STXBP4: variants seen among roughly 807,000 people sequenced by gnomAD.
STXBP4 encodes syntaxin binding protein 4, also known as syntaxin-binding protein 4.
A neutral mutation model predicts 76.1 loss-of-function variants in STXBP4; 55 were observed. The ratio of observed to expected loss-of-function variants is 0.72; its 90% confidence interval spans 0.58 to 0.91. STXBP4 has a LOEUF of 0.91. STXBP4 is among the 40% of genes least tolerant of loss of function. The pLI, the probability that STXBP4 is intolerant of heterozygous loss-of-function variation, is 0.00. For missense variants in STXBP4, 618 were observed against 636.9 expected, an observed-to-expected ratio of 0.97 and a Z score of 0.32; for synonymous variants, 201 against 220.2, an observed-to-expected ratio of 0.91 and a Z score of 0.77.
rs1228389711 is a variant in STXBP4 at position 54,980,022 on chromosome 17, A to G, written c.-156-5592A>G. Among the ~76,000 whole-genome samples the G allele has an allele frequency of 2.9e-5, 4 of 139,484 alleles. No individual in the cohort carries two copies. In the East Asian group the frequency reaches 7.8e-4, roughly 27 times the overall value. 91.5% of individuals were successfully genotyped at this position (139,484 alleles called of 152,430 possible). On this transcript the variant is annotated intron_variant, in intron 1 of 17. Transcript: ENST00000376352. ...TAAATCATCTACTTATTTGTTTGTG[A>G]CAGGTGTCTGTGTGTGTGTTGTTAA...
intron 8 of STXBP4, among the ~76,000 whole-genome samples, chr17:55,017,003 C>T (rs1413263420): frequency 2.0e-5 from 3 of 152,126 alleles, no homozygotes; most frequent in Non-Finnish European, 2.9e-5. Flanking sequence ...GATAGGAAGG[C>T]TAAGGGTTGT....
rs190486966 is a variant in STXBP4 at position 55,172,268 on chromosome 17, T to C, written c.*12357T>C. On this transcript the variant is annotated 3_prime_UTR_variant, in exon 18 of 18. Transcript: ENST00000376352. ...AGAAACACCTGGAGAGATTTTAAAATTTACAAAGCCTAGCCAAACCCCAGA... is the reference window on the plus strand; with the variant it reads ...AGAAACACCTGGAGAGATTTTAAAACTTACAAAGCCTAGCCAAACCCCAGA... 3.7e-4 allele frequency: 56 copies of C among 152,274 alleles called. No individual in the cohort carries two copies. Among genetic ancestry groups the C allele is most frequent in the African/African-American group, 1.2e-3 (51 of 41,532 alleles). The allele number at this position is 152,274 out of a possible 1,614,324, so 9.4% of individuals were successfully genotyped here.
At chr17:55,097,334 A>G (rs2079499703) in intron 16 of STXBP4, among the ~76,000 whole-genome samples, 1 of 152,226 alleles carries the variant, frequency 6.6e-6, no homozygotes, top group African/African-American at 2.4e-5. Context: ...GTCTCTAAGC[A>G]TTATAGGATA....
the STXBP4 span, among the ~76,000 whole-genome samples, chr17:55,203,033 C>T: frequency 1.4e-4 from 22 of 152,218 alleles, no homozygotes; most frequent in East Asian, 2.3e-3. Flanking sequence ...AGTTGTATTT[C>T]CTGGCTGCAG....
chr17:55,113,967 T>C (rs1255506304), intron 16 of STXBP4, among the ~76,000 whole-genome samples: 1 of 152,136 alleles, frequency 6.6e-6, no homozygotes, highest in Non-Finnish European at 1.5e-5. Flanking sequence ...TTAACTTCTC[T>C]GTACCTCATT....
chr17:55,159,421 G>C (rs1259229380), intron 17 of STXBP4, among the ~76,000 whole-genome samples: 1 of 152,172 alleles, frequency 6.6e-6, no homozygotes, highest in Admixed American at 6.5e-5. Flanking sequence ...AACTAGAGCA[G>C]AGGCAGGGAG....
downstream of STXBP4, among the ~76,000 whole-genome samples, chr17:55,175,576 G>C (rs937478502): frequency 6.6e-6 from 1 of 152,006 alleles, no homozygotes; most frequent in Admixed American, 6.5e-5. Context: ...GATATGTGGT[G>C]AGGGGTCAAA....
intron 17 of STXBP4, among the ~76,000 whole-genome samples, chr17:55,153,301 C>T (rs1475249732): frequency 6.6e-6 from 1 of 152,144 alleles, no homozygotes; most frequent in Non-Finnish European, 1.5e-5. Flanking sequence ...CCATAATTTT[C>T]ACCATAATTG....
At position 54,968,837 on chromosome 17, in the gene STXBP4, T is replaced by TG; in HGVS notation, c.-157+23dup. The TG allele has an allele frequency of 6.6e-6, 4 of 605,816 alleles. No individual in the cohort carries two copies. In the Admixed American group the frequency reaches 8.8e-5, roughly 13 times the overall value. 37.5% of individuals were successfully genotyped at this position (605,816 alleles called of 1,614,324 possible). A position where few individuals can be genotyped will look rare whatever the true frequency, so the allele number is the denominator to read the frequency against. ...ACGGGTAAGTTTGCGTTTTGCTTTG[T>TG]GACTGTTACTCCCACTTCGCTTCTC... On this transcript the variant is annotated intron_variant, in intron 1 of 17. Transcript: ENST00000376352.
chr17:55,133,743 A>C (rs1210740810), intron 16 of STXBP4, among the ~76,000 whole-genome samples: 2 of 152,214 alleles, frequency 1.3e-5, no homozygotes, highest in Non-Finnish European at 2.9e-5. Context: ...ACAGCATCAC[A>C]TACAGTCATA....
intron 17 of STXBP4, among the ~76,000 whole-genome samples, chr17:55,155,694 C>T (rs1019794309): frequency 8.5e-5 from 13 of 152,052 alleles, no homozygotes; most frequent in African/African-American, 1.9e-4. Flanking sequence ...GAATGAATTT[C>T]TACAGAACAA....
the STXBP4 span, among the ~76,000 whole-genome samples, chr17:55,200,028 T>A: frequency 6.6e-6 from 1 of 152,246 alleles, no homozygotes; most frequent in African/African-American, 2.4e-5. Context: ...TTCCCTCCTG[T>A]TGTAAAGCCT....
chr17:55,120,815 GT>G lies in STXBP4; in HGVS notation c.1490-20485del, dbSNP rs56937675. 1.4e-3 allele frequency among the ~76,000 whole-genome samples: 218 copies of G among 150,396 alleles called. 1 individual carries two copies. The highest frequency in any genetic ancestry group is 5.0e-3 in the African/African-American group (203 of 40,952). On this transcript the variant is annotated intron_variant, in intron 16 of 17. Coordinates refer to ENST00000376352, the MANE Select transcript of STXBP4 (RefSeq NM_178509.6). ...GACTGTGTTTCCTAGAAGAAAGAGTGTTTTTTTTTTAAGTAATTTGCACAGA... is the reference window on the plus strand; with the variant it reads ...GACTGTGTTTCCTAGAAGAAAGAGTGTTTTTTTTTAAGTAATTTGCACAGA...
At chr17:55,008,047 G>A (rs1411330429) in intron 8 of STXBP4, among the ~76,000 whole-genome samples, 1 of 152,094 alleles carries the variant, frequency 6.6e-6, no homozygotes, top group East Asian at 1.9e-4. Context: ...TAGAAAGATG[G>A]TGGCAGTATA....
chr17:55,046,260 A>C (rs1200757345), intron 11 of STXBP4, among the ~76,000 whole-genome samples: 1 of 151,992 alleles, frequency 6.6e-6, no homozygotes, highest in East Asian at 1.9e-4. Flanking sequence ...CTCCTGTGGC[A>C]TAGTCATTAG....
intron 12 of STXBP4, among the ~76,000 whole-genome samples, chr17:55,066,413 G>A (rs1205737452): frequency 6.6e-6 from 1 of 151,970 alleles, no homozygotes; most frequent in Non-Finnish European, 1.5e-5. Flanking sequence ...TAGTAGACAT[G>A]AGGTTTCACC....
intron 16 of STXBP4, among the ~76,000 whole-genome samples, chr17:55,120,749 C>T (rs546544945): frequency 3.9e-5 from 6 of 152,232 alleles, no homozygotes; most frequent in Non-Finnish European, 7.4e-5. Context: ...GACTGAAATC[C>T]AGCCCTTGCT....
intron 17 of STXBP4, among the ~76,000 whole-genome samples, chr17:55,156,192 T>C (rs1296997672): frequency 6.6e-6 from 1 of 152,200 alleles, no homozygotes; most frequent in African/African-American, 2.4e-5. Flanking sequence ...TTTTTTATAC[T>C]AAATTTTTTA....
the STXBP4 span, among the ~76,000 whole-genome samples, chr17:55,203,740 A>G: frequency 3.3e-5 from 5 of 152,158 alleles, no homozygotes; most frequent in Non-Finnish European, 7.4e-5. Context: ...AAGGAATGCT[A>G]TATGTTTCAA....
Sources: allele counts gnomAD v4.1 joint callset (sites outside exome capture counted in the v4.1 genomes callset), GRCh38; gene constraint gnomAD v4.1.1; transcripts MANE v1.5; gene names NCBI Gene and HGNC (gene_info 2026-07-23, HGNC 2026-07-21).